ENOPH1: variants seen among roughly 807,000 people sequenced by gnomAD.
The protein encoded by ENOPH1 is enolase-phosphatase E1.
ENOPH1 carries 14 observed loss-of-function variants against 31.1 expected under a neutral mutation model. That is an observed-to-expected ratio of 0.45 (90% CI 0.30 to 0.70). The LOEUF (loss-of-function observed/expected upper bound fraction) is 0.70, where lower values mean the gene tolerates loss of function less well. ENOPH1 is among the 30% of genes least tolerant of loss of function. The pLI is 0.09. For missense variants in ENOPH1, 243 were observed against 321.5 expected, an observed-to-expected ratio of 0.76 and a Z score of 1.87; for synonymous variants, 127 against 123.2, an observed-to-expected ratio of 1.03 and a Z score of -0.21.
intron 2 of ENOPH1, among the ~76,000 whole-genome samples, chr4:82,449,009 G>C (rs1258432028): frequency 7.2e-6 from 1 of 138,794 alleles, no homozygotes; most frequent in Non-Finnish European, 1.5e-5. Flanking sequence ...AGTGAGCCGA[G>C]ATCCCGCCAC....
At chr4:82,441,743 C>G (rs1357947120) in intron 1 of ENOPH1, among the ~76,000 whole-genome samples, 1 of 152,080 alleles carries the variant, frequency 6.6e-6, no homozygotes, top group South Asian at 2.1e-4. Context: ...AGTTCACGAC[C>G]CGCCTGGGCA....
chr4:82,437,082 T>TAA (rs916782712), intron 1 of ENOPH1, among the ~76,000 whole-genome samples: 1 of 151,318 alleles, frequency 6.6e-6, no homozygotes, highest in Non-Finnish European at 1.5e-5. Context: ...GACCCTGTCT[T>TAA]AAAAAAAAAT....
chr4:82,453,678 T>C (rs1330173070), intron 3 of ENOPH1, among the ~76,000 whole-genome samples: 1 of 152,220 alleles, frequency 6.6e-6, no homozygotes, highest in African/African-American at 2.4e-5. Flanking sequence ...AGGTAATCTT[T>C]TAGAGATGAC....
At chr4:82,454,945 CT>C (rs201969443) in intron 4 of ENOPH1, 91 bp downstream of exon 4, 170,050 of 896,814 alleles carry the variant, frequency 0.19, 524 homozygotes, top group East Asian at 0.32. Flanking sequence ...TAATAGAATG[CT>C]TTTTTTTTTT....
chr4:82,457,205 TAAAAAA>T (rs200636321), intron 5 of ENOPH1, among the ~76,000 whole-genome samples, 167 bp downstream of exon 5: 2 of 144,726 alleles, frequency 1.4e-5, no homozygotes, highest in African/African-American at 5.1e-5. Flanking sequence ...ATGTTTGAAT[TAAAAAA>T]AAAAAACACA....
At chr4:82,459,899 A>C in intron 5 of ENOPH1, 82 bp from the exon 6 acceptor site, 1 of 1,505,908 alleles carries the variant, frequency 6.6e-7, no homozygotes, top group Non-Finnish European at 9.1e-7. Context: ...CCATCCCCAC[A>C]TCCCCCTGCT....
chr4:82,450,151 T>C (rs1722311010), intron 2 of ENOPH1, among the ~76,000 whole-genome samples: 1 of 152,236 alleles, frequency 6.6e-6, no homozygotes, highest in South Asian at 2.1e-4. Flanking sequence ...TATTTGGGAT[T>C]TTAATTTTCT....
chr4:82,452,449 A>C (rs1351514302), intron 3 of ENOPH1, among the ~76,000 whole-genome samples: 2 of 151,716 alleles, frequency 1.3e-5, no homozygotes, highest in African/African-American at 4.8e-5. Flanking sequence ...GCCGCCTGCC[A>C]CTATGCTAAT....
chr4:82,457,435 GC>G (rs1369673155), intron 5 of ENOPH1, among the ~76,000 whole-genome samples: 4 of 152,148 alleles, frequency 2.6e-5, no homozygotes, highest in African/African-American at 9.7e-5. Flanking sequence ...CATCAGGTGA[GC>G]CCAGGAGGTC....
chr4:82,452,809 G>A (rs1181405180), intron 3 of ENOPH1, among the ~76,000 whole-genome samples: 1 of 151,570 alleles, frequency 6.6e-6, no homozygotes, highest in Admixed American at 6.6e-5. Context: ...CTGGTCTTAA[G>A]CTCCTGAGCT....
chr4:82,444,366 C>T (rs923701076), intron 1 of ENOPH1, among the ~76,000 whole-genome samples: 1 of 152,096 alleles, frequency 6.6e-6, no homozygotes, highest in African/African-American at 2.4e-5. Flanking sequence ...GGACTATAGG[C>T]GTGTACCACC....
intron 1 of ENOPH1, among the ~76,000 whole-genome samples, chr4:82,447,540 T>C (rs1722227810): frequency 6.6e-6 from 1 of 152,230 alleles, no homozygotes; most frequent in Non-Finnish European, 1.5e-5. Flanking sequence ...ACTTTTCCTG[T>C]AAAGGACCAG....
intron 4 of ENOPH1, among the ~76,000 whole-genome samples, chr4:82,455,582 C>T (rs1722466322): frequency 6.6e-6 from 1 of 151,754 alleles, no homozygotes; most frequent in South Asian, 2.1e-4. Context: ...AGATCGAGAC[C>T]ATCCTGGCTA....
chr4:82,438,628 G>T (rs1225541390), intron 1 of ENOPH1, among the ~76,000 whole-genome samples: 2 of 152,238 alleles, frequency 1.3e-5, no homozygotes, highest in Non-Finnish European at 2.9e-5. Context: ...ACTGCATGCA[G>T]CCTGGGTGAC....
intron 1 of ENOPH1, among the ~76,000 whole-genome samples, chr4:82,438,592 G>C (rs930000520): frequency 1.3e-5 from 2 of 152,234 alleles, no homozygotes; most frequent in African/African-American, 4.8e-5. Flanking sequence ...GGTAGAGACT[G>C]TGGTGAGGTG....
At chr4:82,448,055 C>T (rs1417153905) in intron 2 of ENOPH1, 34 bp downstream of exon 2, 2 of 1,452,672 alleles carry the variant, frequency 1.4e-6, no homozygotes, top group Non-Finnish European at 1.9e-6. Context: ...TCCCAAGTGT[C>T]TTAGAAATGA....
intron 4 of ENOPH1, 90 bp downstream of exon 4, chr4:82,454,944 GC>G: frequency 2.4e-6 from 3 of 1,242,342 alleles, no homozygotes; most frequent in East Asian, 2.6e-5. Context: ...CTAATAGAAT[GC>G]TTTTTTTTTT....
At chr4:82,430,957 C>G (rs1197231818) in intron 1 of ENOPH1, 44 bp downstream of exon 1, 1 of 1,562,634 alleles carries the variant, frequency 6.4e-7, no homozygotes, top group Admixed American at 1.7e-5. Context: ...TCCTTAAAAA[C>G]AGTTATTATT....
intron 1 of ENOPH1, among the ~76,000 whole-genome samples, chr4:82,442,261 G>A (rs1207454861): frequency 6.6e-6 from 1 of 152,186 alleles, no homozygotes; most frequent in Admixed American, 6.5e-5. Flanking sequence ...GGTGGCTCCT[G>A]TAATCCCAGC....
Sources: gnomAD v4.1 joint callset for allele counts (sites outside exome capture counted in the v4.1 genomes callset) on GRCh38, gnomAD v4.1.1 for gene constraint, MANE v1.5 for transcripts, NCBI Gene and HGNC (gene_info 2026-07-23, HGNC 2026-07-21) for gene names.